CUL3: variants seen among roughly 807,000 people sequenced by gnomAD.
CUL3 encodes the protein cullin 3.
CUL3 carries 19 observed loss-of-function variants against 89.1 expected under a neutral mutation model. That is an observed-to-expected ratio of 0.21 (90% confidence interval 0.15 to 0.31). The LOEUF is 0.31. Among genes scored for constraint, CUL3 ranks in the 10% least tolerant of loss-of-function variants. The probability of loss-of-function intolerance (pLI) is 1.00; values close to 1 mark genes in which losing one functional copy is unlikely to be tolerated. For missense variants in CUL3, 469 were observed against 942.3 expected (o/e 0.50, Z 6.58); for synonymous variants, 351 against 308.4 (o/e 1.14, Z -1.45).
chr2:224,471,744 T>A lies in CUL3; in HGVS notation c.*2501A>T, dbSNP rs1045762895. 4.9e-5 allele frequency: 11 copies of A among 225,116 alleles called. No individual in the cohort carries two copies. Among genetic ancestry groups the A allele is most frequent in the African/African-American group, 2.0e-4 (9 of 44,902 alleles). The allele number at this position is 225,116 out of a possible 1,614,324, so 13.9% of individuals were successfully genotyped here. A position where few individuals can be genotyped will look rare whatever the true frequency, so the allele number is the denominator to read the frequency against. On this transcript the variant is annotated 3_prime_UTR_variant, in exon 16 of 16. Transcript: ENST00000264414. ...CAATGAATTTTCAGTCTTTAAATAATGTTAACGATTCAAAATAAACACTGT... is the reference window on the plus strand; with the variant it reads ...CAATGAATTTTCAGTCTTTAAATAAAGTTAACGATTCAAAATAAACACTGT...
At chr2:224,512,262 A>AT (rs1259918834) in intron 5 of CUL3, among the ~76,000 whole-genome samples, 2 of 151,686 alleles carry the variant, frequency 1.3e-5, no homozygotes, top group Admixed American at 6.6e-5. Flanking sequence ...CGCCCGGCTA[A>AT]TTTTTTTGTA....
Position 224,508,961 on chromosome 2 carries a change from C to CAAAAA in CUL3, c.884-1963_884-1959dup, listed in dbSNP as rs3081932. Among the ~76,000 whole-genome samples, 8 of 112,892 alleles carry CAAAAA rather than the reference C, an allele frequency of 7.1e-5. 1 individual carries two copies. The highest frequency in any genetic ancestry group is 8.8e-5 in the Admixed American group (1 of 11,352). 74.1% of individuals were successfully genotyped at this position (112,892 alleles called of 152,430 possible). A position where few individuals can be genotyped will look rare whatever the true frequency, so the allele number is the denominator to read the frequency against. On this transcript the variant is annotated intron_variant, in intron 6 of 15. Transcript: ENST00000264414. ...TGGGCGACAGAGCAAGACTTCGTCT[C>CAAAAA]AAAAAAAAAAAAAGATACCTCTGAA...
At chr2:224,530,709 C>G (rs1237330103) in intron 3 of CUL3, among the ~76,000 whole-genome samples, 3 of 152,102 alleles carry the variant, frequency 2.0e-5, no homozygotes, top group Non-Finnish European at 4.4e-5. Context: ...GAGTTCGAGA[C>G]CAGCCTGGCC....
intron 8 of CUL3, among the ~76,000 whole-genome samples, chr2:224,505,199 G>A (rs1692552369): frequency 6.7e-6 from 1 of 150,110 alleles, no homozygotes; most frequent in Non-Finnish European, 1.5e-5. Flanking sequence ...GTGCAGTGGC[G>A]TCATCTTGGC....
chr2:224,500,260 A>G, intron 11 of CUL3, 103 bp downstream of exon 11: 1 of 1,345,066 alleles, frequency 7.4e-7, no homozygotes, highest in Non-Finnish European at 1.0e-6. Flanking sequence ...GAGGTAATAA[A>G]TGGAATACAT....
In CUL3 at chr2:224,472,600, T is replaced by C. The variant is rs570455233; in HGVS notation, c.*1645A>G. 5.3e-6 allele frequency: 1 copy of C among 188,616 alleles called. No homozygotes were observed. Among genetic ancestry groups the C allele is most frequent in the East Asian group, 8.6e-5 (1 of 11,686 alleles). 11.7% of individuals were successfully genotyped at this position (188,616 alleles called of 1,614,324 possible). A position where few individuals can be genotyped will look rare whatever the true frequency, so the allele number is the denominator to read the frequency against. On this transcript the variant is annotated 3_prime_UTR_variant, in exon 16 of 16. Coordinates refer to ENST00000264414, the MANE Select transcript of CUL3 (RefSeq NM_003590.5). ...AGAATAATGTTCACAATACTTTTCA[T>C]TGGCATCTTAATTGCATCATGTAGA...
intron 8 of CUL3, among the ~76,000 whole-genome samples, chr2:224,505,193 A>G (rs566346859): frequency 3.4e-5 from 5 of 147,736 alleles, no homozygotes; most frequent in Non-Finnish European, 7.4e-5. Flanking sequence ...GCTGGAGTGC[A>G]GTGGCGTCAT....
chr2:224,568,683 G>T (rs937956973), intron 1 of CUL3, among the ~76,000 whole-genome samples: 1 of 152,074 alleles, frequency 6.6e-6, no homozygotes, highest in Non-Finnish European at 1.5e-5. Context: ...CACCCAGAAG[G>T]CTGCTTAATC....
At chr2:224,476,830 G>T (rs1024517779) in intron 15 of CUL3, among the ~76,000 whole-genome samples, 1 of 151,620 alleles carries the variant, frequency 6.6e-6, no homozygotes, top group African/African-American at 2.4e-5. Flanking sequence ...CTCCCATTTT[G>T]GGGGGGAAAA....
intron 13 of CUL3, among the ~76,000 whole-genome samples, chr2:224,494,571 C>G (rs1574625938): frequency 6.6e-6 from 1 of 151,996 alleles, no homozygotes; most frequent in African/African-American, 2.4e-5. Context: ...TGAAACAGAT[C>G]AGACAGCATA....
At chr2:224,539,086 A>G (rs1224661853) in intron 2 of CUL3, among the ~76,000 whole-genome samples, 3 of 152,232 alleles carry the variant, frequency 2.0e-5, no homozygotes, top group Non-Finnish European at 2.9e-5. Context: ...AAGCTAATAA[A>G]GAACTATTAT....
chr2:224,557,524 T>TAA lies in CUL3; in HGVS notation c.264+133_264+134dup, dbSNP rs971588904. 42 of 442,956 alleles carry TAA rather than the reference T, an allele frequency of 9.5e-5. No individual in the cohort carries two copies. In the Admixed American group the frequency reaches 1.2e-3, roughly 13 times the overall value. The allele number at this position is 442,956 out of a possible 1,614,324, so 27.4% of individuals were successfully genotyped here. A position where few individuals can be genotyped will look rare whatever the true frequency, so the allele number is the denominator to read the frequency against. ...TTATAAATTTTTCATGAGTGCTTAT[T>TAA]AACAGTCACGAATTAGTAATTTCTA... On this transcript the variant is annotated intron_variant, in intron 2 of 15. Coordinates refer to ENST00000264414, the MANE Select transcript of CUL3 (RefSeq NM_003590.5).
intron 3 of CUL3, among the ~76,000 whole-genome samples, chr2:224,515,549 G>A (rs1451973947): frequency 2.6e-5 from 4 of 152,144 alleles, no homozygotes; most frequent in Non-Finnish European, 5.9e-5. Context: ...GTTTGTTCAC[G>A]CTTAAGTACT....
chr2:224,563,581 C>T (rs1282297749), intron 1 of CUL3, among the ~76,000 whole-genome samples: 1 of 152,162 alleles, frequency 6.6e-6, no homozygotes, highest in African/African-American at 2.4e-5. Flanking sequence ...TTACTAGCAA[C>T]CAACCACTGC....
chr2:224,578,455 G>A (rs1000549623), intron 1 of CUL3, among the ~76,000 whole-genome samples: 1 of 151,998 alleles, frequency 6.6e-6, no homozygotes, highest in African/African-American at 2.4e-5. Flanking sequence ...CCAAGTGGTA[G>A]GATTACAGGT....
intron 15 of CUL3, among the ~76,000 whole-genome samples, chr2:224,476,308 C>T (rs886855911): frequency 6.6e-6 from 1 of 151,882 alleles, no homozygotes; most frequent in Non-Finnish European, 1.5e-5. Flanking sequence ...TGAGCCACCG[C>T]GAGTCACACG....
intron 10 of CUL3, 144 bp downstream of exon 10, chr2:224,502,821 G>A (rs1005870507): frequency 9.8e-6 from 6 of 612,324 alleles, no homozygotes; most frequent in African/African-American, 7.4e-5. Flanking sequence ...CAATGTGAAG[G>A]AAAATTAAGT....
rs1185734313 is a variant in CUL3, at chr2:224,474,382, A to G, written c.2176-6T>C. The G allele has an allele frequency of 6.2e-7, 1 of 1,611,648 alleles. No homozygotes were observed. Among genetic ancestry groups the G allele is most frequent in the Non-Finnish European group, 8.5e-7 (1 of 1,178,960 alleles). ...GCCTTCAACTGCTGAGTTACCTAAAAAAGAAAGTAGATAGTATTTTTATAT... is the reference window on the plus strand; with the variant it reads ...GCCTTCAACTGCTGAGTTACCTAAAGAAGAAAGTAGATAGTATTTTTATAT... On this transcript the variant is annotated splice_polypyrimidine_tract_variant and splice_region_variant and intron_variant, in intron 15 of 15. Coordinates refer to ENST00000264414, the MANE Select transcript of CUL3 (RefSeq NM_003590.5).
chr2:224,547,325 AC>A (rs1694342789), intron 2 of CUL3, among the ~76,000 whole-genome samples: 1 of 152,152 alleles, frequency 6.6e-6, no homozygotes, highest in Non-Finnish European at 1.5e-5. Flanking sequence ...CTTATGAACA[AC>A]ATGTTCACCT....
Sources: allele counts gnomAD v4.1 joint callset (sites outside exome capture counted in the v4.1 genomes callset), GRCh38; gene constraint gnomAD v4.1.1; transcripts MANE v1.5; gene names NCBI Gene and HGNC (gene_info 2026-07-23, HGNC 2026-07-21).